RBBP8: variants seen among roughly 807,000 people sequenced by gnomAD.
RBBP8 encodes RB binding protein 8, endonuclease.
RBBP8 carries 88 observed loss-of-function variants against 108.3 expected under a neutral mutation model. The ratio of observed to expected loss-of-function variants is 0.81; its 90% CI spans 0.68 to 0.97. The LOEUF is 0.97. Among genes scored for constraint, RBBP8 ranks in the 50% least tolerant of loss-of-function variants. The pLI is 0.00. For synonymous variants in RBBP8, 332 were observed against 348.2 expected, an observed-to-expected ratio of 0.95 and a Z score of 0.52; for missense variants, 1,023 against 1,049.0, an observed-to-expected ratio of 0.98 and a Z score of 0.34.
At chr18:22,987,237 G>C (rs139874784) in intron 8 of RBBP8, among the ~76,000 whole-genome samples, 1 of 152,076 alleles carries the variant, frequency 6.6e-6, no homozygotes, top group Non-Finnish European at 1.5e-5. Context: ...GAGAGGGAAG[G>C]GGGAGGGAAG....
intron 3 of RBBP8, among the ~76,000 whole-genome samples, chr18:22,921,429 C>T (rs1909589479): frequency 6.6e-6 from 1 of 152,186 alleles, no homozygotes. Context: ...ATACTTGTTT[C>T]TATTGGCTTC....
intron 8 of RBBP8, 39 bp downstream of exon 8, chr18:22,985,029 T>C: frequency 6.2e-7 from 1 of 1,608,066 alleles, no homozygotes; most frequent in South Asian, 1.1e-5. Flanking sequence ...AGTTTAAAAT[T>C]GTGGTTATTG....
rs1446438318 is a variant in RBBP8, at chr18:22,937,358, T to C, written c.109+398T>C. Among the ~76,000 whole-genome samples, 4 of 152,342 alleles carry C rather than the reference T, an allele frequency of 2.6e-5. No individual in the cohort carries two copies. The East Asian group carries it at 5.8e-4, about 22-fold the overall frequency. ...ATGGCTTCATCTGCATCCATGTTGC[T>C]GCAAAGAAAATAATTTTGTTCTTTT... On this transcript the variant is annotated intron_variant, in intron 2 of 18. Coordinates refer to ENST00000327155, the MANE Select transcript of RBBP8 (RefSeq NM_002894.3).
chr18:22,949,310 G>A (rs894940490), intron 3 of RBBP8, among the ~76,000 whole-genome samples: 1 of 152,196 alleles, frequency 6.6e-6, no homozygotes, highest in African/African-American at 2.4e-5. Context: ...TAATTGAAGA[G>A]ATGATGTGAG....
At chr18:23,016,617 T>G (rs2046259403) in intron 16 of RBBP8, among the ~76,000 whole-genome samples, 1 of 152,198 alleles carries the variant, frequency 6.6e-6, no homozygotes, top group Admixed American at 6.5e-5. Context: ...CAGGTCACTT[T>G]GGATAGTAAA....
chr18:22,938,957 G>A (rs1245376408), intron 2 of RBBP8, among the ~76,000 whole-genome samples: 1 of 152,186 alleles, frequency 6.6e-6, no homozygotes, highest in Non-Finnish European at 1.5e-5. Context: ...GTTGAGATGA[G>A]TAAATATTAT....
intron 17 of RBBP8, among the ~76,000 whole-genome samples, chr18:23,019,113 G>A (rs1388226522): frequency 1.3e-5 from 2 of 152,158 alleles, no homozygotes; most frequent in Non-Finnish European, 2.9e-5. Flanking sequence ...ATGTGAGTTC[G>A]TGAGTTTTCA....
chr18:22,923,126 A>C (rs1909663037), intron 3 of RBBP8, among the ~76,000 whole-genome samples: 1 of 152,128 alleles, frequency 6.6e-6, no homozygotes, highest in African/African-American at 2.4e-5. Context: ...TTACATTGTT[A>C]CAGTTTCTTA....
intron 3 of RBBP8, among the ~76,000 whole-genome samples, chr18:22,917,833 T>C (rs979349392): frequency 7.9e-5 from 12 of 152,056 alleles, no homozygotes; most frequent in African/African-American, 2.9e-4. Flanking sequence ...ATCCCGTCTC[T>C]ACTAAAAATA....
chr18:22,926,296 G>A (rs1303473556), intron 3 of RBBP8, among the ~76,000 whole-genome samples: 2 of 152,180 alleles, frequency 1.3e-5, no homozygotes, highest in African/African-American at 4.8e-5. Context: ...GGTGCCACAT[G>A]TCTGTAATCC....
chr18:22,952,741 G>T (rs139216841), intron 4 of RBBP8, among the ~76,000 whole-genome samples: 2 of 152,250 alleles, frequency 1.3e-5, no homozygotes, highest in African/African-American at 2.4e-5. Flanking sequence ...GTGGTGAGGC[G>T]CTTCCTTCTG....
At chr18:22,929,511 A>C (rs1258046936), upstream of RBBP8, 1 of 38,524 alleles carries the variant, frequency 2.6e-5, no homozygotes, top group African/African-American at 9.5e-5. Flanking sequence ...TGTGTGTGTG[A>C]AGAGACAGGC....
intron 13 of RBBP8, 43 bp from the exon 14 acceptor site, chr18:22,997,577 G>A: frequency 1.7e-6 from 2 of 1,177,014 alleles, no homozygotes; most frequent in Admixed American, 3.9e-5. Context: ...AGACCATAAA[G>A]GAATAATTGT....
intron 2 of RBBP8, among the ~76,000 whole-genome samples, chr18:22,940,642 T>A (rs939396409): frequency 3.9e-5 from 6 of 152,032 alleles, no homozygotes; most frequent in Non-Finnish European, 5.9e-5. Flanking sequence ...TAAGATTTTT[T>A]AATTTTTAAT....
chr18:23,016,624 T>C lies in RBBP8; in HGVS notation c.2358-204T>C, dbSNP rs76497089. On this transcript the variant is annotated intron_variant, in intron 16 of 18. Transcript: ENST00000327155. ...TGAATTTGCAGGTCACTTTGGATAG[T>C]AAATAGTTTTAATTTTTTTAGTTAG... is the stretch of plus-strand genomic sequence containing the variant. Among the ~76,000 whole-genome samples the C allele has an allele frequency of 4.1e-3, 626 of 152,294 alleles. 2 individuals carry two copies. The highest frequency in any genetic ancestry group is 0.014 in the African/African-American group (591 of 41,562).
chr18:23,016,299 C>T (rs1001809111), intron 16 of RBBP8, among the ~76,000 whole-genome samples: 1 of 152,066 alleles, frequency 6.6e-6, no homozygotes, highest in Non-Finnish European at 1.5e-5. Flanking sequence ...AATCCTAGCA[C>T]TTTGGGAGGC....
intron 15 of RBBP8, among the ~76,000 whole-genome samples, chr18:23,006,156 A>C (rs1164783416): frequency 6.6e-6 from 1 of 151,972 alleles, no homozygotes; most frequent in Non-Finnish European, 1.5e-5. Flanking sequence ...ACTGCACTCC[A>C]GCCTAAGCAA....
chr18:23,016,538 G>C (rs770370514), intron 16 of RBBP8, among the ~76,000 whole-genome samples: 1 of 152,110 alleles, frequency 6.6e-6, no homozygotes, highest in Non-Finnish European at 1.5e-5. Context: ...GCAAGACTCT[G>C]TCTCTAAATA....
At chr18:22,945,405 C>A (rs1243811939) in intron 2 of RBBP8, among the ~76,000 whole-genome samples, 1 of 151,210 alleles carries the variant, frequency 6.6e-6, no homozygotes, top group African/African-American at 2.4e-5. Context: ...TTTATTTTTT[C>A]AGACGGAGTT....
Sources: gnomAD v4.1 joint callset for allele counts (sites outside exome capture counted in the v4.1 genomes callset) on GRCh38, gnomAD v4.1.1 for gene constraint, MANE v1.5 for transcripts, NCBI Gene and HGNC (gene_info 2026-07-23, HGNC 2026-07-21) for gene names.